Variants in SNTG1 observed in about 807,000 individuals in gnomAD.
The protein encoded by SNTG1 is gamma-1-syntrophin.
A neutral mutation model predicts 74.7 loss-of-function variants in SNTG1; 39 were observed. The observed-to-expected ratio is 0.52, with a 90% CI of 0.40 to 0.68. SNTG1 has a LOEUF of 0.68. Ranked by LOEUF, SNTG1 falls within the 30% of genes least tolerant of loss-of-function variation. The pLI, the probability that SNTG1 is intolerant of heterozygous loss-of-function variation, is 0.00. For missense variants in SNTG1, 685 were observed against 609.5 expected, an observed-to-expected ratio of 1.12 and a Z score of -1.30; for synonymous variants, 254 against 217.1, an observed-to-expected ratio of 1.17 and a Z score of -1.49.
At chr8:50,335,278 A>T (rs1400568956) in intron 2 of SNTG1, among the ~76,000 whole-genome samples, 1 of 152,204 alleles carries the variant, frequency 6.6e-6, no homozygotes, top group Non-Finnish European at 1.5e-5. Flanking sequence ...CCCACATATC[A>T]TCTCACCACT....
In SNTG1 at chr8:50,157,206, A is replaced by G. The variant is rs966649350; in HGVS notation, c.-102-15355A>G. On this transcript the variant is annotated intron_variant, in intron 1 of 18. Transcript: ENST00000642720. The stretch of plus-strand genomic sequence containing the variant: ...CATATGTCTGAATATAGATATTTAG[A>G]TGCATAGCTGTGGTAGTATTTCATT... Among the ~76,000 whole-genome samples the G allele has an allele frequency of 2.0e-5, 3 of 152,104 alleles. No individual in the cohort carries two copies. The South Asian group carries it at 6.2e-4, about 31-fold the overall frequency.
intron 1 of SNTG1, among the ~76,000 whole-genome samples, chr8:50,162,201 G>T (rs1309354014): frequency 6.6e-6 from 1 of 152,134 alleles, no homozygotes; most frequent in Non-Finnish European, 1.5e-5. Flanking sequence ...CCTGAGAGCA[G>T]GAAAATAGTG....
In SNTG1 at chr8:50,131,756, C is replaced by T. The variant is rs1040980921; in HGVS notation, c.-102-40805C>T. ...GTTCCATATTTAATTTTTTGAGGAA[C>T]CTCCATTCTGTTTAATTTAAATGAT... On this transcript the variant is annotated intron_variant, in intron 1 of 18. Transcript: ENST00000642720. Among the ~76,000 whole-genome samples, 5 of 151,924 alleles carry T rather than the reference C, an allele frequency of 3.3e-5. No individual in the cohort carries two copies. In the South Asian group the frequency reaches 1.0e-3, roughly 31 times the overall value.
At chr8:50,381,939 C>T (rs959016008) in intron 2 of SNTG1, 4 of 150,510 alleles carry the variant, frequency 2.7e-5, no homozygotes, top group African/African-American at 4.9e-5. Flanking sequence ...AGAAACCAGT[C>T]TGAGTCCCAA....
At chr8:49,935,946 G>A (rs186386057) in intron 1 of SNTG1, among the ~76,000 whole-genome samples, 5 of 152,292 alleles carry the variant, frequency 3.3e-5, no homozygotes, top group Admixed American at 3.3e-4. Context: ...TCTTCCCTCT[G>A]ACATGGATAG....
At chr8:50,251,053 T>C (rs994207250) in intron 2 of SNTG1, among the ~76,000 whole-genome samples, 8 of 151,558 alleles carry the variant, frequency 5.3e-5, no homozygotes, top group African/African-American at 1.7e-4. Flanking sequence ...AAGATAAATA[T>C]ACAAATTACA....
At chr8:50,784,851 T>C (rs914361817) in intron 18 of SNTG1, among the ~76,000 whole-genome samples, 1 of 152,076 alleles carries the variant, frequency 6.6e-6, no homozygotes, top group African/African-American at 2.4e-5. Flanking sequence ...ATAATACAAA[T>C]TATGTTCTAT....
intron 18 of SNTG1, among the ~76,000 whole-genome samples, chr8:50,753,968 G>A (rs2095573895): frequency 6.6e-6 from 1 of 151,912 alleles, no homozygotes; most frequent in Non-Finnish European, 1.5e-5. Flanking sequence ...TAGACAATCA[G>A]AATGTTGGCC....
At chr8:50,373,353 G>A (rs1371491613) in intron 2 of SNTG1, among the ~76,000 whole-genome samples, 1 of 152,118 alleles carries the variant, frequency 6.6e-6, no homozygotes, top group Non-Finnish European at 1.5e-5. Flanking sequence ...AAATTGTTGA[G>A]TAAATCTCAC....
intron 18 of SNTG1, among the ~76,000 whole-genome samples, chr8:50,754,312 T>C (rs529260058): frequency 6.6e-5 from 10 of 151,986 alleles, no homozygotes; most frequent in Non-Finnish European, 1.5e-4. Flanking sequence ...TTTTATATCC[T>C]ACCAATAATG....
intron 13 of SNTG1, among the ~76,000 whole-genome samples, chr8:50,593,308 G>C (rs1208656285): frequency 6.6e-6 from 1 of 152,090 alleles, no homozygotes; most frequent in African/African-American, 2.4e-5. Flanking sequence ...ACTCCAGAAT[G>C]CATAAGGCTT....
At position 50,210,750 on chromosome 8, in the gene SNTG1, T is replaced by C. The variant is rs181376591; in HGVS notation, c.-28+38115T>C. Reference sequence around the variant, plus strand: ...TTAAAACTTAAAGGATTTTCACTGTTGAGTTTGTACCACTCAAGGATTTTG... The same window carrying C: ...TTAAAACTTAAAGGATTTTCACTGTCGAGTTTGTACCACTCAAGGATTTTG... On this transcript the variant is annotated intron_variant, in intron 2 of 18. Coordinates refer to ENST00000642720, the MANE Select transcript of SNTG1 (RefSeq NM_018967.5). 1.8e-4 allele frequency among the ~76,000 whole-genome samples: 27 copies of C among 152,178 alleles called. 1 individual carries two copies.
chr8:49,932,469 T>C (rs552102576), intron 1 of SNTG1, among the ~76,000 whole-genome samples: 1 of 152,052 alleles, frequency 6.6e-6, no homozygotes, highest in Non-Finnish European at 1.5e-5. Flanking sequence ...GAATAATATA[T>C]AACTTTCATT....
intron 13 of SNTG1, among the ~76,000 whole-genome samples, chr8:50,605,411 T>C (rs2094805489): frequency 6.6e-6 from 1 of 152,148 alleles, no homozygotes; most frequent in East Asian, 1.9e-4. Context: ...TTGCCAAAAC[T>C]CAAGTTCTGA....
At chr8:50,708,386 A>G (rs1037585508) in intron 16 of SNTG1, 6 of 154,060 alleles carry the variant, frequency 3.9e-5, no homozygotes, top group Non-Finnish European at 8.6e-5. Context: ...ATCAAGATCT[A>G]TTCTTTTGGC....
intron 1 of SNTG1, among the ~76,000 whole-genome samples, chr8:50,142,939 T>C (rs1586456104): frequency 6.6e-6 from 1 of 152,042 alleles, no homozygotes; most frequent in African/African-American, 2.4e-5. Flanking sequence ...CTGGGTCTGG[T>C]GGCGGGCACC....
chr8:50,778,011 G>A (rs1278427037), intron 18 of SNTG1, among the ~76,000 whole-genome samples: 2 of 152,034 alleles, frequency 1.3e-5, no homozygotes, highest in East Asian at 3.9e-4. Flanking sequence ...TTTCATCCAT[G>A]TCCCTACAAA....
intron 2 of SNTG1, among the ~76,000 whole-genome samples, chr8:50,347,210 TA>T (rs2091505493): frequency 6.6e-6 from 1 of 152,222 alleles, no homozygotes; most frequent in South Asian, 2.1e-4. Flanking sequence ...TGACTTCAGT[TA>T]AAACCAATGC....
intron 2 of SNTG1, among the ~76,000 whole-genome samples, chr8:50,292,105 G>A (rs2089145086): frequency 6.6e-6 from 1 of 152,122 alleles, no homozygotes; most frequent in Non-Finnish European, 1.5e-5. Flanking sequence ...TAATCCTACA[G>A]CTGAAAATAC....
Sources: allele counts gnomAD v4.1 joint callset (sites outside exome capture counted in the v4.1 genomes callset), GRCh38; gene constraint gnomAD v4.1.1; transcripts MANE v1.5; gene names NCBI Gene and HGNC (gene_info 2026-07-23, HGNC 2026-07-21).